Variants in CD82 observed in about 807,000 individuals in gnomAD.
CD82 encodes the protein CD82 molecule.
In CD82, 36 loss-of-function variants were observed where a neutral mutation model predicts 37.4. The observed-to-expected ratio is 0.96, with a 90% CI of 0.74 to 1.27. CD82 has a LOEUF of 1.27. CD82 is among the 50% of genes most tolerant of loss of function. CD82 has a pLI of 0.00. For synonymous variants in CD82, 158 were observed against 137.4 expected, an observed-to-expected ratio of 1.15 and a Z score of -1.05; for missense variants, 340 against 347.0, an observed-to-expected ratio of 0.98 and a Z score of 0.16.
chr11:44,576,350 C>T (rs1852891228), intron 1 of CD82, among the ~76,000 whole-genome samples: 1 of 152,182 alleles, frequency 6.6e-6, no homozygotes, highest in African/African-American at 2.4e-5. Flanking sequence ...CATCAGGTCC[C>T]ATTGTACAGA....
rs1853643084 is a variant in CD82, at chr11:44,620,115, G to C, written c.*989G>C. On this transcript the variant is annotated 3_prime_UTR_variant, in exon 10 of 10. Coordinates refer to ENST00000227155, the MANE Select transcript of CD82 (RefSeq NM_002231.4). ...GCTGCTTAGGGACAGGTGAGTCCTT[G>C]GGGGCATGGCACAGAGCTGGTCCTG... The C allele has an allele frequency of 6.6e-6, 1 of 152,440 alleles. No individual in the cohort carries two copies. Among genetic ancestry groups the C allele is most frequent in the South Asian group, 2.1e-4 (1 of 4,832 alleles). The allele number at this position is 152,440 out of a possible 1,614,324, so 9.4% of individuals were successfully genotyped here.
At chr11:44,585,271 G>GATCATC (rs775947786) in intron 1 of CD82, 3 of 456,122 alleles carry the variant, frequency 6.6e-6, no homozygotes, top group East Asian at 6.9e-5. Flanking sequence ...AACTTTTCCA[G>GATCATC]ATCATCATCA....
intron 1 of CD82, among the ~76,000 whole-genome samples, chr11:44,578,043 T>A (rs897771532): frequency 3.9e-5 from 6 of 152,176 alleles, no homozygotes; most frequent in South Asian, 4.1e-4. Flanking sequence ...AAAGAGATAC[T>A]CTGTCTCCTG....
At chr11:44,617,063 G>A (rs1853574457) in intron 7 of CD82, among the ~76,000 whole-genome samples, 1 of 152,110 alleles carries the variant, frequency 6.6e-6, no homozygotes, top group Non-Finnish European at 1.5e-5. Flanking sequence ...GCTGGCCACT[G>A]GCTACTGGTC....
At chr11:44,566,162 G>A (rs1852731815) in intron 1 of CD82, 1 of 152,258 alleles carries the variant, frequency 6.6e-6, no homozygotes, top group African/African-American at 2.4e-5. Context: ...TTGCTTTAAA[G>A]AGTGCACTGT....
intron 2 of CD82, among the ~76,000 whole-genome samples, chr11:44,588,717 C>A (rs1853097145): frequency 6.6e-6 from 1 of 151,984 alleles, no homozygotes; most frequent in Non-Finnish European, 1.5e-5. Flanking sequence ...AGGGAGTGCC[C>A]CTAACCAACA....
intron 2 of CD82, among the ~76,000 whole-genome samples, chr11:44,588,465 G>T (rs865891300): frequency 2.0e-5 from 3 of 152,006 alleles, no homozygotes; most frequent in African/African-American, 7.2e-5. Context: ...CTCGTGATCC[G>T]CCCGCCTCGA....
chr11:44,616,444 C>T (rs142306347), intron 7 of CD82, among the ~76,000 whole-genome samples: 3 of 152,246 alleles, frequency 2.0e-5, no homozygotes, highest in Non-Finnish European at 4.4e-5. Context: ...CCAGTGCCAC[C>T]TGACAAGGGA....
intron 1 of CD82, among the ~76,000 whole-genome samples, chr11:44,571,105 C>G (rs190816675): frequency 1.3e-5 from 2 of 152,294 alleles, no homozygotes; most frequent in East Asian, 1.9e-4. Flanking sequence ...GGCCTTGGCT[C>G]TCAGTGTCAA....
intron 1 of CD82, among the ~76,000 whole-genome samples, chr11:44,584,748 T>A (rs923126379): frequency 7.3e-5 from 11 of 150,820 alleles, no homozygotes; most frequent in Non-Finnish European, 1.2e-4. Context: ...TAGTGAGAGG[T>A]CAAAAAGCCA....
intron 1 of CD82, among the ~76,000 whole-genome samples, chr11:44,578,600 A>G (rs1215763195): frequency 1.3e-5 from 2 of 152,044 alleles, no homozygotes; most frequent in Admixed American, 6.6e-5. Flanking sequence ...AACCGTTACT[A>G]CTCAGAGAGG....
intron 4 of CD82, among the ~76,000 whole-genome samples, chr11:44,602,012 T>C (rs970520137): frequency 2.6e-5 from 4 of 152,180 alleles, no homozygotes; most frequent in Admixed American, 2.6e-4. Flanking sequence ...CTGAGTCCAC[T>C]GGGCTGGGCA....
At position 44,614,982 on chromosome 11, in the gene CD82, G is replaced by A. The variant is rs138885879; in HGVS notation, c.337-290G>A. 2.6e-4 allele frequency among the ~76,000 whole-genome samples: 39 copies of A among 152,294 alleles called. No homozygotes were observed. The East Asian group carries it at 4.4e-3, about 17-fold the overall frequency. On this transcript the variant is annotated intron_variant, in intron 6 of 9. Coordinates refer to ENST00000227155, the MANE Select transcript of CD82 (RefSeq NM_002231.4). ...CCTAGGCTGTTATGGGGACAATGACGGTGGGAACTGCCCTGGAGGTGGGAG... is the reference window on the plus strand; with the variant it reads ...CCTAGGCTGTTATGGGGACAATGACAGTGGGAACTGCCCTGGAGGTGGGAG...
At chr11:44,587,868 G>T (rs1346814399) in intron 2 of CD82, 2 of 299,388 alleles carry the variant, frequency 6.7e-6, no homozygotes, top group Admixed American at 4.0e-5. Context: ...AGGGGCAGTG[G>T]AACTCAGACT....
At chr11:44,615,152 G>A (rs1200072152) in intron 6 of CD82, 120 bp from the exon 7 acceptor site, 2 of 678,996 alleles carry the variant, frequency 2.9e-6, no homozygotes, top group Non-Finnish European at 5.4e-6. Flanking sequence ...AGTGGCTGGA[G>A]CCATGAGCGT....
At position 44,602,412 on chromosome 11, in the gene CD82, A is replaced by G. The variant is rs562240836; in HGVS notation, c.136+2182A>G. Among the ~76,000 whole-genome samples, 11 of 152,352 alleles carry G rather than the reference A, an allele frequency of 7.2e-5. No individual in the cohort carries two copies. In the East Asian group the frequency reaches 1.9e-3, roughly 27 times the overall value. ...ATGGGCCTCTCATTTTTATCTGAAA[A>G]GAGTTTGGGACAGCCCCCAGTGAAA... On this transcript the variant is annotated intron_variant, in intron 4 of 9. Transcript: ENST00000227155.
intron 6 of CD82, among the ~76,000 whole-genome samples, chr11:44,612,785 A>C (rs1365051653): frequency 6.6e-6 from 1 of 151,674 alleles, no homozygotes; most frequent in Non-Finnish European, 1.5e-5. Context: ...GGCACCTGCC[A>C]TTCACACCCA....
At chr11:44,586,598 G>C (rs542920659) in intron 1 of CD82, among the ~76,000 whole-genome samples, 2 of 152,308 alleles carry the variant, frequency 1.3e-5, no homozygotes, top group South Asian at 4.1e-4. Flanking sequence ...TGAGGCTGCA[G>C]TGAGCTGTGT....
At chr11:44,567,662 C>T (rs1478770221) in intron 1 of CD82, among the ~76,000 whole-genome samples, 1 of 151,972 alleles carries the variant, frequency 6.6e-6, no homozygotes, top group African/African-American at 2.4e-5. Flanking sequence ...ACAGAGCCTA[C>T]CTAGTGAGCC....
Sources: allele counts gnomAD v4.1 joint callset (sites outside exome capture counted in the v4.1 genomes callset), GRCh38; gene constraint gnomAD v4.1.1; transcripts MANE v1.5; gene names NCBI Gene and HGNC (gene_info 2026-07-23, HGNC 2026-07-21).